Variants in NAALADL2 observed in about 807,000 individuals in gnomAD.
NAALADL2 encodes inactive N-acetylated-alpha-linked acidic dipeptidase-like protein 2.
In NAALADL2, 76 loss-of-function variants were observed where a neutral mutation model predicts 87.2. That is an observed-to-expected ratio of 0.87 (90% confidence interval 0.72 to 1.05). The LOEUF (loss-of-function observed/expected upper bound fraction) is 1.05, where lower values mean the gene tolerates loss of function less well. NAALADL2 is among the 50% of genes least tolerant of loss of function. The pLI, the probability that NAALADL2 is intolerant of heterozygous loss-of-function variation, is 0.00. For missense variants in NAALADL2, 1,089 were observed against 945.8 expected (o/e 1.15, Z -1.99); for synonymous variants, 354 against 331.0 (o/e 1.07, Z -0.75).
At chr3:175,069,569 G>A (rs1285171212) in intron 1 of NAALADL2, among the ~76,000 whole-genome samples, 1 of 149,926 alleles carries the variant, frequency 6.7e-6, no homozygotes, top group Non-Finnish European at 1.5e-5. Flanking sequence ...TGGTGGGACT[G>A]TAAACTAGTT....
chr3:175,258,164 C>G (rs1276049028), intron 4 of NAALADL2, among the ~76,000 whole-genome samples: 1 of 151,708 alleles, frequency 6.6e-6, no homozygotes, highest in Non-Finnish European at 1.5e-5. Flanking sequence ...AAAAATTAGC[C>G]AGGCGTGGTG....
intron 5 of NAALADL2, among the ~76,000 whole-genome samples, chr3:175,385,128 A>G (rs756031900): frequency 6.6e-6 from 1 of 152,102 alleles, no homozygotes; most frequent in Non-Finnish European, 1.5e-5. Flanking sequence ...CACTTATTTC[A>G]TCATCTAACT....
intron 2 of NAALADL2, among the ~76,000 whole-genome samples, chr3:174,561,918 A>G (rs549020611): frequency 1.3e-5 from 2 of 152,246 alleles, no homozygotes; most frequent in African/African-American, 4.8e-5. Flanking sequence ...CGGAAATTTT[A>G]TTTTTGTAAA....
chr3:174,632,787 T>C (rs892023759), intron 2 of NAALADL2, among the ~76,000 whole-genome samples: 1 of 151,582 alleles, frequency 6.6e-6, no homozygotes, highest in African/African-American at 2.4e-5. Flanking sequence ...ATACAAAAAA[T>C]AGCTGAGTGT....
intron 2 of NAALADL2, among the ~76,000 whole-genome samples, chr3:174,562,201 C>G (rs567605703): frequency 6.6e-6 from 1 of 152,074 alleles, no homozygotes; most frequent in Admixed American, 6.6e-5. Flanking sequence ...CTACTTAACT[C>G]AACTATTAGG....
intron 10 of NAALADL2, among the ~76,000 whole-genome samples, chr3:175,579,885 T>A (rs1719504994): frequency 6.6e-6 from 1 of 152,156 alleles, no homozygotes; most frequent in Non-Finnish European, 1.5e-5. Flanking sequence ...TTTCTTAGTA[T>A]ATCAGAAGAT....
At chr3:174,534,059 T>C (rs1462888864) in intron 1 of NAALADL2, among the ~76,000 whole-genome samples, 2 of 152,166 alleles carry the variant, frequency 1.3e-5, no homozygotes, top group African/African-American at 4.8e-5. Flanking sequence ...AAATATATTT[T>C]AATATTGCAC....
chr3:175,509,485 A>G (rs943116498), intron 9 of NAALADL2, among the ~76,000 whole-genome samples: 1 of 152,212 alleles, frequency 6.6e-6, no homozygotes, highest in Non-Finnish European at 1.5e-5. Flanking sequence ...TTCTCCTTCC[A>G]CTAACACCAT....
At chr3:175,320,829 TTG>T (rs1212257541) in intron 4 of NAALADL2, among the ~76,000 whole-genome samples, 1 of 151,014 alleles carries the variant, frequency 6.6e-6, no homozygotes, top group Non-Finnish European at 1.5e-5. Context: ...GGAGCTGAAA[TTG>T]TGGCAATAAT....
chr3:175,575,515 C>T (rs1407465024), intron 9 of NAALADL2, among the ~76,000 whole-genome samples: 1 of 152,004 alleles, frequency 6.6e-6, no homozygotes, highest in Non-Finnish European at 1.5e-5. Context: ...AAACTGCTAA[C>T]CTCAGGTGAC....
At chr3:175,301,814 T>G (rs1757121189) in intron 4 of NAALADL2, among the ~76,000 whole-genome samples, 1 of 152,200 alleles carries the variant, frequency 6.6e-6, no homozygotes, top group Admixed American at 6.5e-5. Context: ...ATAATTTTGA[T>G]GCTTCCACAG....
intron 2 of NAALADL2, among the ~76,000 whole-genome samples, chr3:174,698,096 AT>A (rs1225008291): frequency 6.6e-6 from 1 of 152,164 alleles, no homozygotes; most frequent in African/African-American, 2.4e-5. Context: ...TCTCAAAAAA[AT>A]AATAATAAAT....
intron 5 of NAALADL2, among the ~76,000 whole-genome samples, chr3:175,329,566 T>A (rs570915822): frequency 2.0e-5 from 3 of 152,148 alleles, no homozygotes; most frequent in Non-Finnish European, 2.9e-5. Flanking sequence ...AAAATATAAA[T>A]ATGTGCCTAG....
intron 4 of NAALADL2, among the ~76,000 whole-genome samples, chr3:175,309,845 G>T (rs1177274729): frequency 6.6e-6 from 1 of 152,116 alleles, no homozygotes; most frequent in Non-Finnish European, 1.5e-5. Flanking sequence ...GTCATTTTCT[G>T]TATTTGGCAG....
At chr3:175,563,302 T>C (rs1716578978) in intron 9 of NAALADL2, among the ~76,000 whole-genome samples, 1 of 152,220 alleles carries the variant, frequency 6.6e-6, no homozygotes, top group Non-Finnish European at 1.5e-5. Context: ...TTTCACAAGG[T>C]ATTTTGTGAT....
At chr3:175,366,387 G>C (rs1052414483) in intron 5 of NAALADL2, among the ~76,000 whole-genome samples, 1 of 151,758 alleles carries the variant, frequency 6.6e-6, no homozygotes, top group East Asian at 1.9e-4. Flanking sequence ...AATGGGATTG[G>C]TGGGTCAAAT....
At chr3:174,538,491 A>T (rs1161799217) in intron 1 of NAALADL2, among the ~76,000 whole-genome samples, 1 of 152,178 alleles carries the variant, frequency 6.6e-6, no homozygotes, top group African/African-American at 2.4e-5. Flanking sequence ...TTTTACCCAA[A>T]ATAAATTTAC....
intron 11 of NAALADL2, among the ~76,000 whole-genome samples, chr3:175,660,379 TTGA>T (rs1183189201): frequency 6.6e-6 from 1 of 152,168 alleles, no homozygotes; most frequent in Non-Finnish European, 1.5e-5. Context: ...CCTTTTTTCG[TTGA>T]TATGTCACAA....
chr3:174,788,146 G>T (rs1717029945), intron 3 of NAALADL2, among the ~76,000 whole-genome samples: 1 of 152,144 alleles, frequency 6.6e-6, no homozygotes, highest in South Asian at 2.1e-4. Flanking sequence ...TAACATGACA[G>T]CTGATAGGCT....
Sources: allele counts gnomAD v4.1 joint callset (sites outside exome capture counted in the v4.1 genomes callset), GRCh38; gene constraint gnomAD v4.1.1; transcripts MANE v1.5; gene names NCBI Gene and HGNC (gene_info 2026-07-23, HGNC 2026-07-21).